The following KCTD1 variants were observed in gnomAD, a reference collection of about 807,000 sequenced individuals.
KCTD1 encodes BTB/POZ domain-containing protein KCTD1.
KCTD1 carries 24 observed loss-of-function variants against 66.0 expected under a neutral mutation model. That is an observed-to-expected ratio of 0.36 (90% CI 0.26 to 0.51). The LOEUF is 0.51. KCTD1 is among the 20% of genes least tolerant of loss of function. The pLI is 0.95. For synonymous variants in KCTD1, 511 were observed against 517.2 expected (o/e 0.99, Z 0.16); for missense variants, 943 against 1,205.2 (o/e 0.78, Z 3.22).
chr18:26,645,255 G>A (rs1364346569), upstream of KCTD1, among the ~76,000 whole-genome samples: 3 of 152,000 alleles, frequency 2.0e-5, no homozygotes, highest in Admixed American at 1.3e-4. Flanking sequence ...TTTAGAGATA[G>A]GGTCTCACTA....
In KCTD1 at chr18:26,476,676, G is replaced by C; in HGVS notation, c.1989-17C>G. 6.2e-7 allele frequency: 1 copy of C among 1,609,318 alleles called. No homozygotes were observed. Among genetic ancestry groups the C allele is most frequent in the African/African-American group, 1.3e-5 (1 of 74,710 alleles). On this transcript the variant is annotated splice_polypyrimidine_tract_variant and intron_variant, in intron 2 of 4. Transcript: ENST00000580059. The surrounding 1 kb of genome is among the most constrained non-coding windows in gnomAD (Gnocchi z 4.9). ...CTTCCGATTCTGTGATAGAAAAGAG[G>C]GAACAGTGAAGACAATTAGATCAAT...
intron 1 of KCTD1, among the ~76,000 whole-genome samples, chr18:26,610,613 G>T (rs1272969529): frequency 1.4e-5 from 2 of 146,140 alleles, no homozygotes; most frequent in African/African-American, 5.0e-5. Flanking sequence ...AAGGAAGGAA[G>T]GAATGAAGGA....
At chr18:26,600,131 G>C in intron 1 of KCTD1, 1 of 1,609,670 alleles carries the variant, frequency 6.2e-7, no homozygotes, top group East Asian at 2.2e-5. Context: ...GGGAAAAAGA[G>C]GAAGGCCTGT....
chr18:26,506,292 G>A (rs1983033566), intron 1 of KCTD1, among the ~76,000 whole-genome samples: 1 of 152,180 alleles, frequency 6.6e-6, no homozygotes, highest in Admixed American at 6.5e-5. Context: ...CTGTTCAGTG[G>A]GAGGGAGCCC....
chr18:26,599,569 C>T (rs1487098816), intron 1 of KCTD1: 2 of 1,501,850 alleles, frequency 1.3e-6, no homozygotes, highest in Non-Finnish European at 1.9e-6. Flanking sequence ...AGTCTGCCCA[C>T]AAAGAATCCA....
At chr18:26,589,871 G>A (rs184111452) in intron 1 of KCTD1, among the ~76,000 whole-genome samples, 1 of 152,266 alleles carries the variant, frequency 6.6e-6, no homozygotes, top group East Asian at 1.9e-4. Context: ...ATAAAGGGAT[G>A]CATGGGAAGA....
At position 26,547,436 on chromosome 18, in the gene KCTD1, G is replaced by A; in HGVS notation, c.1101C>T (p.Ala367=). 6.4e-7 allele frequency: 1 copy of A among 1,551,376 alleles called. No individual in the cohort carries two copies. The highest frequency in any genetic ancestry group is 1.4e-5 in the African/African-American group (1 of 73,152). ...SRSSSWSKKR[A]ESSDEENLPR... is the part of the protein sequence containing the mutation. ...GCAAGTTCTCCTCGTCGCTGCTCTC[G>A]GCGCGCTTCTTGCTCCACGACGACG... The change falls in exon 1 of 5, where the codon GCC becomes GCT. Residue 367 remains alanine, a synonymous_variant. Coordinates refer to ENST00000580059, the MANE Select transcript of KCTD1 (RefSeq NM_001142730.3).
chr18:26,574,890 C>T (rs1986189190), intron 1 of KCTD1, among the ~76,000 whole-genome samples: 1 of 152,050 alleles, frequency 6.6e-6, no homozygotes, highest in South Asian at 2.1e-4. Flanking sequence ...TTGGCTAGGA[C>T]AAGCAACCCT....
At position 26,476,264 on chromosome 18, in the gene KCTD1, T is replaced by G. The variant is rs899253639; in HGVS notation, c.2133+251A>C. Among the ~76,000 whole-genome samples the G allele has an allele frequency of 6.6e-6, 1 of 152,226 alleles. No individual in the cohort carries two copies. Among genetic ancestry groups the G allele is most frequent in the Non-Finnish European group, 1.5e-5 (1 of 68,040 alleles). On this transcript the variant is annotated intron_variant, in intron 3 of 4. Coordinates refer to ENST00000580059, the MANE Select transcript of KCTD1 (RefSeq NM_001142730.3). The surrounding 1 kb of genome is among the most constrained non-coding windows in gnomAD (Gnocchi z 4.9). The stretch of plus-strand genomic sequence containing the variant: ...GACATATCAGAAATGAGCTTTGAAT[T>G]TAATCAACTCCTTTTCAATTTGTTC...
intron 1 of KCTD1, among the ~76,000 whole-genome samples, chr18:26,529,306 A>C (rs1196883305): frequency 6.6e-6 from 1 of 152,150 alleles, no homozygotes; most frequent in Non-Finnish European, 1.5e-5. Flanking sequence ...TGCCCTGCCT[A>C]TAAGATGAGG....
chr18:26,610,534 C>T lies in KCTD1; in HGVS notation c.-16+18613G>A, dbSNP rs528449369. On this transcript the variant is annotated intron_variant, in intron 1 of 4. Transcript: ENST00000317932. Reference sequence around the variant, plus strand: ...TTAAGGTTACAGTGAGCTATGACAGCGCCAATGCACTCTAGCCTGGGAAAC... The same window carrying T: ...TTAAGGTTACAGTGAGCTATGACAGTGCCAATGCACTCTAGCCTGGGAAAC... Among the ~76,000 whole-genome samples the T allele has an allele frequency of 1.5e-4, 23 of 150,970 alleles. No homozygotes were observed. In the South Asian group the frequency reaches 2.7e-3, roughly 18 times the overall value.
chr18:26,458,515 C>T (rs1980225774), intron 4 of KCTD1: 1 of 152,180 alleles, frequency 6.6e-6, no homozygotes, highest in Non-Finnish European at 1.5e-5. Context: ...CCTCTGCCTT[C>T]CCATCAGCAA....
At chr18:26,517,006 C>T (rs144699074) in intron 1 of KCTD1, among the ~76,000 whole-genome samples, 18 of 152,298 alleles carry the variant, frequency 1.2e-4, no homozygotes, top group African/African-American at 3.6e-4. Context: ...AAAGTAAACA[C>T]ATAATACTTC....
At chr18:26,556,446 AT>A (rs1985709268) in intron 1 of KCTD1, among the ~76,000 whole-genome samples, 1 of 152,154 alleles carries the variant, frequency 6.6e-6, no homozygotes, top group African/African-American at 2.4e-5. Flanking sequence ...CCTGACATGG[AT>A]TGCATCTGTT....
At chr18:26,637,191 C>A (rs1459326431) in intron 1 of KCTD1, among the ~76,000 whole-genome samples, 2 of 152,220 alleles carry the variant, frequency 1.3e-5, no homozygotes, top group Non-Finnish European at 2.9e-5. Context: ...CTCCATGCAT[C>A]TCCCATATTT....
At chr18:26,558,795 C>A (rs575451428) in intron 1 of KCTD1, among the ~76,000 whole-genome samples, 1 of 152,094 alleles carries the variant, frequency 6.6e-6, no homozygotes, top group East Asian at 1.9e-4. Context: ...TGGTGGCACG[C>A]ACCTGTAGTC....
At chr18:26,480,311 C>T (rs1211997216) in intron 2 of KCTD1, among the ~76,000 whole-genome samples, 5 of 152,138 alleles carry the variant, frequency 3.3e-5, no homozygotes, top group Non-Finnish European at 5.9e-5. Context: ...CCTCATTCTC[C>T]TTTCCACTGG....
chr18:26,538,542 C>A (rs1030501886), intron 1 of KCTD1, among the ~76,000 whole-genome samples: 1 of 152,072 alleles, frequency 6.6e-6, no homozygotes, highest in Non-Finnish European at 1.5e-5. Flanking sequence ...AACAGAGGGG[C>A]CCCCGGTGCA....
At chr18:26,600,603 T>A (rs148755938) in intron 1 of KCTD1, among the ~76,000 whole-genome samples, 12 of 151,646 alleles carry the variant, frequency 7.9e-5, no homozygotes, top group African/African-American at 2.9e-4. Flanking sequence ...GAGAAGGGAG[T>A]GTGTCCTGAA....
Sources: gnomAD v4.1 joint callset for allele counts (sites outside exome capture counted in the v4.1 genomes callset) on GRCh38, gnomAD v4.1.1 for gene constraint, Gnocchi (gnomAD v3.1) non-coding constraint, MANE v1.5 for transcripts, NCBI Gene and HGNC (gene_info 2026-07-23, HGNC 2026-07-21) for gene names.